The following C1orf105 variants were observed in gnomAD, a reference collection of about 807,000 sequenced individuals.
C1orf105 encodes the protein uncharacterized protein C1orf105.
In C1orf105, 17 loss-of-function variants were observed where a neutral mutation model predicts 20.8. The observed-to-expected ratio is 0.82, with a 90% CI of 0.56 to 1.23. The LOEUF (loss-of-function observed/expected upper bound fraction) is 1.23. Among genes scored for constraint, C1orf105 ranks in the 50% most tolerant of loss-of-function variants. The pLI is 0.00. For missense variants in C1orf105, 219 were observed against 213.5 expected (o/e 1.03, Z -0.16); for synonymous variants, 72 against 72.1 (o/e 1.00, Z 0.01).
Position 172,440,361 on chromosome 1 carries a change from T to C in C1orf105, c.22-4712T>C, listed in dbSNP as rs574863478. ...TCAGCTTAAACAACATCTAATACAT[T>C]AGTACTAGCTATTACATAGTGCTGA... On this transcript the variant is annotated intron_variant, in intron 1 of 6. Coordinates refer to ENST00000367727, the MANE Select transcript of C1orf105 (RefSeq NM_139240.4). 3.3e-5 allele frequency among the ~76,000 whole-genome samples: 5 copies of C among 152,336 alleles called. 1 individual carries two copies. The highest frequency in any genetic ancestry group is 1.2e-4 in the African/African-American group (5 of 41,562).
chr1:172,427,302 C>T (rs1041685592), intron 1 of C1orf105, among the ~76,000 whole-genome samples: 1 of 152,190 alleles, frequency 6.6e-6, no homozygotes, highest in African/African-American at 2.4e-5. Flanking sequence ...CTGCCCTTGT[C>T]GAAAGCCAGG....
chr1:172,441,352 T>TACACAAACAC (rs1254194221), intron 1 of C1orf105: 1 of 156,422 alleles, frequency 6.4e-6, no homozygotes, highest in African/African-American at 2.5e-5. Context: ...GAAGTGACTT[T>TACACAAACAC]ACACACACAC....
At chr1:172,455,265 G>A (rs72725272) in intron 3 of C1orf105, among the ~76,000 whole-genome samples, 6,020 of 152,238 alleles carry the variant, frequency 0.04, 122 homozygotes, top group Middle Eastern at 0.058. Context: ...GAAGCTACTT[G>A]CAGAACAATC....
At chr1:172,465,692 G>A (rs1330683758) in intron 6 of C1orf105, 1 of 484,452 alleles carries the variant, frequency 2.1e-6, no homozygotes. Flanking sequence ...AGTCCTGATG[G>A]TATCAATCAA....
At position 172,448,446 on chromosome 1, in the gene C1orf105, C is replaced by G; in HGVS notation, c.113C>G (p.Pro38Arg). 1.2e-6 allele frequency: 2 copies of G among 1,607,532 alleles called. No individual in the cohort carries two copies. The highest frequency in any genetic ancestry group is 2.2e-5 in the South Asian group (2 of 90,894). Reference sequence around the variant, plus strand: ...CTCTTGTTTTAATTACTTAGATATCCTCATACCTCTGCGACTTTTCTGACT... The same window carrying G: ...CTCTTGTTTTAATTACTTAGATATCGTCATACCTCTGCGACTTTTCTGACT... ...PLVLSLPRRYPHTSATFLTSS... is the reference protein window; with the variant it reads ...PLVLSLPRRYRHTSATFLTSS... The change falls in exon 3 of 7, where the codon CCT (proline) becomes CGT (arginine). Residue 38 changes from proline to arginine, a missense_variant. Transcript: ENST00000367727.
chr1:172,448,079 C>T (rs1447568249), intron 2 of C1orf105, among the ~76,000 whole-genome samples: 1 of 152,158 alleles, frequency 6.6e-6, no homozygotes, highest in Non-Finnish European at 1.5e-5. Context: ...AGCCCAGGTA[C>T]GAAAGGGGAC....
intron 1 of C1orf105, among the ~76,000 whole-genome samples, chr1:172,422,739 C>T (rs1357058583): frequency 1.4e-5 from 2 of 144,138 alleles, no homozygotes; most frequent in African/African-American, 2.4e-5. Context: ...CTATTCTAGG[C>T]CAGAGAGGAG....
At chr1:172,457,251 G>C (rs1649345080) in intron 4 of C1orf105, among the ~76,000 whole-genome samples, 1 of 152,126 alleles carries the variant, frequency 6.6e-6, no homozygotes, top group African/African-American at 2.4e-5. Flanking sequence ...TTAGCAACAT[G>C]GTTAGGTTTG....
Position 172,456,329 on chromosome 1 carries a change from C to G in C1orf105, c.199-86C>G, listed in dbSNP as rs1016191934. On this transcript the variant is annotated intron_variant, in intron 3 of 6. Transcript: ENST00000367727. ...TACGGAAGGAAAAACTGTTACCTCT[C>G]TCACCCCTCCACTGCTTTCCTACAT... is the stretch of plus-strand genomic sequence containing the variant. The G allele has an allele frequency of 5.0e-5, 57 of 1,144,636 alleles. No individual in the cohort carries two copies. The African/African-American group carries it at 7.3e-4, about 15-fold the overall frequency. The allele number at this position is 1,144,636 out of a possible 1,614,324, so 70.9% of individuals were successfully genotyped here. A position where few individuals can be genotyped will look rare whatever the true frequency, so the allele number is the denominator to read the frequency against.
At chr1:172,452,861 C>G in intron 3 of C1orf105, 1 of 1,440,088 alleles carries the variant, frequency 6.9e-7, no homozygotes, top group Non-Finnish European at 9.1e-7. Context: ...GGCTCTAGAC[C>G]TGATAAAACC....
chr1:172,459,245 C>T (rs549305637), intron 4 of C1orf105, among the ~76,000 whole-genome samples: 17 of 152,092 alleles, frequency 1.1e-4, no homozygotes, highest in East Asian at 5.8e-4. Flanking sequence ...ATCAAGAACA[C>T]GAAAAGACAA....
intron 1 of C1orf105, chr1:172,444,173 AC>A: frequency 1.0e-6 from 1 of 986,736 alleles, no homozygotes; most frequent in Non-Finnish European, 1.2e-6. Flanking sequence ...TGCTCGAAGG[AC>A]CTCCGGTCTC....
chr1:172,447,577 G>A (rs1220125712), intron 2 of C1orf105, among the ~76,000 whole-genome samples: 4 of 152,304 alleles, frequency 2.6e-5, no homozygotes, highest in Admixed American at 2.0e-4. Context: ...CAAAGACCCC[G>A]AGGGCACTCA....
chr1:172,465,458 C>A, intron 6 of C1orf105, 95 bp downstream of exon 6: 2 of 945,642 alleles, frequency 2.1e-6, no homozygotes, highest in Non-Finnish European at 3.4e-6. Flanking sequence ...TCTAAATTTC[C>A]TGAGCAAATC....
chr1:172,444,130 A>G (rs1647692021), intron 1 of C1orf105: 2 of 990,022 alleles, frequency 2.0e-6, no homozygotes, highest in Admixed American at 6.1e-5. Flanking sequence ...CCCGGCTGGA[A>G]CCATCGCGAC....
rs914889727 is a variant in C1orf105, at chr1:172,444,985, T to C, written c.22-88T>C. On this transcript the variant is annotated intron_variant, in intron 1 of 6. Transcript: ENST00000367727. The stretch of plus-strand genomic sequence containing the variant: ...AATGGTTTGTAAAGTGTTCACTATA[T>C]GGCTGCTATTAGCTGACTTTGGCCA... 8 of 1,024,170 alleles carry C rather than the reference T, an allele frequency of 7.8e-6. 1 individual carries two copies. 63.4% of individuals were successfully genotyped at this position (1,024,170 alleles called of 1,614,324 possible).
intron 3 of C1orf105, 30 bp downstream of exon 3, chr1:172,448,561 C>A (rs1279686115): frequency 7.8e-7 from 1 of 1,282,200 alleles, no homozygotes; most frequent in African/African-American, 1.5e-5. Context: ...GAAATGAAAC[C>A]AACAGCAGTT....
At chr1:172,456,599 G>C in intron 4 of C1orf105, 110 bp downstream of exon 4, 2 of 1,047,078 alleles carry the variant, frequency 1.9e-6, no homozygotes, top group Non-Finnish European at 2.8e-6. Flanking sequence ...TGCAAGGAGG[G>C]CCTAGATAAA....
intron 1 of C1orf105, chr1:172,441,642 T>G (rs1190395700): frequency 8.4e-7 from 1 of 1,189,288 alleles, no homozygotes; most frequent in Non-Finnish European, 1.2e-6. Flanking sequence ...ACATGCTGCT[T>G]CCAGAATGGA....
Sources: allele counts gnomAD v4.1 joint callset (sites outside exome capture counted in the v4.1 genomes callset), GRCh38; gene constraint gnomAD v4.1.1; transcripts MANE v1.5; gene names NCBI Gene and HGNC (gene_info 2026-07-23, HGNC 2026-07-21).